The following CNTNAP2 variants were observed in gnomAD, a reference collection of about 807,000 sequenced individuals.
CNTNAP2 encodes the protein contactin-associated protein-like 2.
In CNTNAP2, 98 loss-of-function variants were observed where a neutral mutation model predicts 155.2. That is an observed-to-expected ratio of 0.63 (90% confidence interval 0.54 to 0.75). The LOEUF (loss-of-function observed/expected upper bound fraction) is 0.75, where lower values mean the gene tolerates loss of function less well. Among genes scored for constraint, CNTNAP2 ranks in the 30% least tolerant of loss-of-function variants. The pLI is 0.00. For synonymous variants in CNTNAP2, 651 were observed against 631.2 expected, an observed-to-expected ratio of 1.03 and a Z score of -0.47; for missense variants, 1,727 against 1,688.1, an observed-to-expected ratio of 1.02 and a Z score of -0.40.
intron 15 of CNTNAP2, among the ~76,000 whole-genome samples, chr7:148,035,847 C>T (rs73168563): frequency 0.24 from 35,771 of 152,068 alleles, 4,544 homozygotes; most frequent in Middle Eastern, 0.34. Flanking sequence ...CAAAGCTATA[C>T]GGGTGAGGCT....
intron 13 of CNTNAP2, among the ~76,000 whole-genome samples, chr7:147,728,865 G>T (rs932082536): frequency 7.3e-5 from 11 of 151,680 alleles, no homozygotes; most frequent in African/African-American, 2.7e-4. Flanking sequence ...CTTAAATCTG[G>T]TTTTTATACC....
chr7:146,970,316 C>A (rs1474559996), intron 3 of CNTNAP2, among the ~76,000 whole-genome samples: 1 of 151,844 alleles, frequency 6.6e-6, no homozygotes, highest in African/African-American at 2.4e-5. Context: ...ACTCATCTGA[C>A]AAAGGGCTAC....
chr7:148,199,097 T>C (rs1300157964), intron 18 of CNTNAP2, among the ~76,000 whole-genome samples: 1 of 152,192 alleles, frequency 6.6e-6, no homozygotes, highest in African/African-American at 2.4e-5. Context: ...TAGAGGGTTT[T>C]GAGCAAAGGA....
chr7:146,127,775 A>G (rs180900408), intron 1 of CNTNAP2, among the ~76,000 whole-genome samples: 4 of 152,310 alleles, frequency 2.6e-5, no homozygotes, highest in Non-Finnish European at 1.5e-5. Flanking sequence ...TAAATAGAGT[A>G]CTTAAGATGT....
intron 1 of CNTNAP2, among the ~76,000 whole-genome samples, chr7:146,406,665 T>C (rs770407882): frequency 1.1e-4 from 17 of 152,124 alleles, no homozygotes; most frequent in Non-Finnish European, 2.4e-4. Flanking sequence ...GGTTTCAGGC[T>C]TGGGCTGAAC....
chr7:147,469,589 G>A (rs1798180171), intron 10 of CNTNAP2, among the ~76,000 whole-genome samples: 1 of 146,146 alleles, frequency 6.8e-6, no homozygotes, highest in South Asian at 2.2e-4. Context: ...CGCGATCTCG[G>A]CTCACTGCAA....
chr7:148,101,736 C>CA (rs138807730), intron 15 of CNTNAP2, among the ~76,000 whole-genome samples: 2,077 of 152,248 alleles, frequency 0.014, 48 homozygotes, highest in African/African-American at 0.046. Context: ...GGGTGGCTGT[C>CA]AGACTGTTGG....
intron 1 of CNTNAP2, among the ~76,000 whole-genome samples, chr7:146,567,432 A>C (rs986420922): frequency 2.6e-5 from 4 of 152,194 alleles, no homozygotes; most frequent in Non-Finnish European, 4.4e-5. Flanking sequence ...TTATATTTGA[A>C]ATTATGATAG....
chr7:146,641,365 A>G (rs796090926), intron 1 of CNTNAP2, among the ~76,000 whole-genome samples: 7 of 152,232 alleles, frequency 4.6e-5, no homozygotes, highest in African/African-American at 1.7e-4. Context: ...TTAAAAAGAG[A>G]CGAACTTCTT....
At chr7:147,736,257 A>G (rs556705640) in intron 13 of CNTNAP2, among the ~76,000 whole-genome samples, 1 of 151,950 alleles carries the variant, frequency 6.6e-6, no homozygotes, top group African/African-American at 2.4e-5. Context: ...TCTATAAAGT[A>G]TTTTATTTCT....
In CNTNAP2 at chr7:146,390,035, A is replaced by G. The variant is rs117253500; in HGVS notation, c.97+273062A>G. Among the ~76,000 whole-genome samples, 286 of 152,050 alleles carry G rather than the reference A, an allele frequency of 1.9e-3. 1 individual carries two copies. The highest frequency in any genetic ancestry group is 2.8e-3 in the Non-Finnish European group (189 of 67,972). On this transcript the variant is annotated intron_variant, in intron 1 of 23. Transcript: ENST00000361727. ...TTTAGTTTTGGTCTCTGCCTTTCATATTGTATTCTGGTCTCACCCTAAACT... is the reference window on the plus strand; with the variant it reads ...TTTAGTTTTGGTCTCTGCCTTTCATGTTGTATTCTGGTCTCACCCTAAACT...
chr7:146,117,635 A>C (rs1003888552), intron 1 of CNTNAP2, among the ~76,000 whole-genome samples: 1 of 152,110 alleles, frequency 6.6e-6, no homozygotes, highest in Non-Finnish European at 1.5e-5. Context: ...CAGATTCTTA[A>C]TAGGGTTTTC....
rs571961601 is a variant in CNTNAP2 at position 148,078,365 on chromosome 7, C to A, written c.2384-39753C>A. ...AGGCGTTGAGCAAGGCATTGAGCCA[C>A]CCCACCTGGCCACTTCTTTTAAATT... On this transcript the variant is annotated intron_variant, in intron 15 of 23. Transcript: ENST00000361727. Among the ~76,000 whole-genome samples, 9 of 152,232 alleles carry A rather than the reference C, an allele frequency of 5.9e-5. No homozygotes were observed. In the South Asian group the frequency reaches 1.9e-3, roughly 32 times the overall value.
At chr7:148,285,235 G>A (rs577758542) in intron 21 of CNTNAP2, among the ~76,000 whole-genome samples, 5 of 152,324 alleles carry the variant, frequency 3.3e-5, no homozygotes, top group Admixed American at 2.0e-4. Flanking sequence ...GCTTTTAAAT[G>A]TAGCTGTTAA....
intron 1 of CNTNAP2, among the ~76,000 whole-genome samples, chr7:146,320,824 A>T (rs1330265603): frequency 6.6e-6 from 1 of 152,098 alleles, no homozygotes; most frequent in African/African-American, 2.4e-5. Flanking sequence ...AATAAAAGTT[A>T]TTTTCTAAAT....
chr7:147,291,481 A>G (rs1019366651), intron 8 of CNTNAP2, among the ~76,000 whole-genome samples: 1 of 152,142 alleles, frequency 6.6e-6, no homozygotes, highest in African/African-American at 2.4e-5. Flanking sequence ...TGTTGCTTGT[A>G]TCACTAGTTC....
intron 1 of CNTNAP2, among the ~76,000 whole-genome samples, chr7:146,177,226 C>G (rs767023280): frequency 2.0e-5 from 3 of 152,196 alleles, no homozygotes; most frequent in Non-Finnish European, 4.4e-5. Context: ...CGGGGCCTCC[C>G]AAAGAGCCTG....
At chr7:146,601,570 TA>T (rs1798950185) in intron 1 of CNTNAP2, among the ~76,000 whole-genome samples, 1 of 152,044 alleles carries the variant, frequency 6.6e-6, no homozygotes, top group Middle Eastern at 3.2e-3. Context: ...AATATAAAAG[TA>T]AAAAATAAGC....
intron 18 of CNTNAP2, among the ~76,000 whole-genome samples, chr7:148,203,531 G>A (rs1050040509): frequency 1.3e-5 from 2 of 152,092 alleles, no homozygotes; most frequent in African/African-American, 4.8e-5. Flanking sequence ...GATCACCTGA[G>A]GTCAGGAGTT....
Sources: allele counts gnomAD v4.1 joint callset (sites outside exome capture counted in the v4.1 genomes callset), GRCh38; gene constraint gnomAD v4.1.1; transcripts MANE v1.5; gene names NCBI Gene and HGNC (gene_info 2026-07-23, HGNC 2026-07-21).